LRMDA: variants seen among roughly 807,000 people sequenced by gnomAD.
LRMDA encodes the protein leucine-rich melanocyte differentiation-associated protein.
LRMDA carries 18 observed loss-of-function variants against 29.8 expected under a neutral mutation model. The observed-to-expected ratio is 0.60, with a 90% CI of 0.42 to 0.90. LRMDA has a LOEUF of 0.90. Ranked by LOEUF, LRMDA falls within the 40% of genes least tolerant of loss-of-function variation. The pLI, the probability that LRMDA is intolerant of heterozygous loss-of-function variation, is 0.00. For synonymous variants in LRMDA, 125 were observed against 109.4 expected (o/e 1.14, Z -0.89); for missense variants, 273 against 273.9 (o/e 1.00, Z 0.02).
intron 2 of LRMDA, among the ~76,000 whole-genome samples, chr10:75,592,328 TTGTC>T (rs1211573590): frequency 6.6e-6 from 1 of 152,168 alleles, no homozygotes; most frequent in East Asian, 1.9e-4. Context: ...CGCTTTTTGT[TTGTC>T]TGTTTGTGTT....
At chr10:76,405,314 C>T (rs190827197) in intron 6 of LRMDA, among the ~76,000 whole-genome samples, 5 of 152,300 alleles carry the variant, frequency 3.3e-5, no homozygotes, top group Admixed American at 1.3e-4. Context: ...GCAGTACATG[C>T]ATTCTGGTCT....
chr10:75,938,648 A>G (rs1846337181), intron 2 of LRMDA, among the ~76,000 whole-genome samples: 3 of 152,220 alleles, frequency 2.0e-5, no homozygotes, highest in South Asian at 4.1e-4. Context: ...GCAAGATGAT[A>G]TGAAGTAAAT....
chr10:76,512,080 G>A (rs1008574609), intron 6 of LRMDA, among the ~76,000 whole-genome samples: 5 of 152,142 alleles, frequency 3.3e-5, no homozygotes, highest in African/African-American at 9.7e-5. Flanking sequence ...CGCCCATACT[G>A]TTCTCGTGGT....
chr10:75,642,616 A>ATTT (rs1204634422), intron 2 of LRMDA: 2 of 151,562 alleles, frequency 1.3e-5, no homozygotes, highest in Admixed American at 1.3e-4. Flanking sequence ...GGCAGTGGAA[A>ATTT]CCTCTGCTGA....
intron 2 of LRMDA, among the ~76,000 whole-genome samples, chr10:75,780,230 A>G (rs1843364735): frequency 6.6e-6 from 1 of 152,206 alleles, no homozygotes; most frequent in South Asian, 2.1e-4. Context: ...ATTTATTGTC[A>G]TGGCTATAGT....
chr10:75,630,421 GGCAA>G (rs963655404), intron 2 of LRMDA, among the ~76,000 whole-genome samples: 1 of 152,182 alleles, frequency 6.6e-6, no homozygotes, highest in African/African-American at 2.4e-5. Context: ...TTGAGTTTCT[GGCAA>G]GCAAGCAAGC....
intron 6 of LRMDA, among the ~76,000 whole-genome samples, chr10:76,432,176 T>C (rs1338167049): frequency 6.6e-6 from 1 of 152,104 alleles, no homozygotes; most frequent in East Asian, 1.9e-4. Context: ...TTAGTTCCAG[T>C]GTGTATAAAA....
At chr10:76,258,549 G>T (rs1217405013) in intron 5 of LRMDA, among the ~76,000 whole-genome samples, 1 of 151,948 alleles carries the variant, frequency 6.6e-6, no homozygotes, top group African/African-American at 2.4e-5. Context: ...TTTAACATGA[G>T]AAATTATTCC....
In LRMDA at chr10:75,807,853, A is replaced by G. The variant is rs534982246; in HGVS notation, c.132-228155A>G. ...CATTTTCCCTGCAGCCTTCAAGTTGAAATTACACAGCTACCATTTCTGAGC... is the reference window on the plus strand; with the variant it reads ...CATTTTCCCTGCAGCCTTCAAGTTGGAATTACACAGCTACCATTTCTGAGC... On this transcript the variant is annotated intron_variant, in intron 2 of 6. Coordinates refer to ENST00000611255, the MANE Select transcript of LRMDA (RefSeq NM_001305581.2). Among the ~76,000 whole-genome samples, 3 of 152,336 alleles carry G rather than the reference A, an allele frequency of 2.0e-5. No individual in the cohort carries two copies. In the East Asian group the frequency reaches 5.8e-4, roughly 29 times the overall value.
chr10:75,755,412 A>G (rs1196750216), intron 2 of LRMDA, among the ~76,000 whole-genome samples: 2 of 152,226 alleles, frequency 1.3e-5, no homozygotes, highest in Non-Finnish European at 2.9e-5. Flanking sequence ...GAACTCCATT[A>G]GTTGGGGTTG....
chr10:75,791,252 A>G (rs1408506260), intron 2 of LRMDA, among the ~76,000 whole-genome samples: 1 of 152,222 alleles, frequency 6.6e-6, no homozygotes, highest in Non-Finnish European at 1.5e-5. Flanking sequence ...TGGGAGGGTC[A>G]GGAAATGAAG....
chr10:75,637,324 C>G (rs911860951), intron 2 of LRMDA, among the ~76,000 whole-genome samples: 20 of 152,148 alleles, frequency 1.3e-4, no homozygotes, highest in African/African-American at 4.8e-4. Flanking sequence ...GAAAGTTGTG[C>G]TGTTGCAGGA....
intron 2 of LRMDA, among the ~76,000 whole-genome samples, chr10:75,997,866 C>T (rs1251478732): frequency 1.3e-5 from 2 of 152,246 alleles, no homozygotes; most frequent in Non-Finnish European, 2.9e-5. Context: ...GTCACTGCTT[C>T]TCAGAGCTTT....
At chr10:76,212,233 T>TAA (rs1449644640) in intron 5 of LRMDA, among the ~76,000 whole-genome samples, 11 of 106,612 alleles carry the variant, frequency 1.0e-4, no homozygotes, top group Non-Finnish European at 1.5e-4. Context: ...GTGTGAAAAT[T>TAA]AAAACACACA....
chr10:76,016,708 T>C (rs1847885786), intron 2 of LRMDA, among the ~76,000 whole-genome samples: 1 of 152,198 alleles, frequency 6.6e-6, no homozygotes, highest in South Asian at 2.1e-4. Context: ...AGATAAATAG[T>C]GTGCTGTACT....
chr10:75,962,685 C>T (rs998319044), intron 2 of LRMDA, among the ~76,000 whole-genome samples: 3 of 152,158 alleles, frequency 2.0e-5, no homozygotes, highest in African/African-American at 7.2e-5. Context: ...ATGTGACAAA[C>T]TCCAAAGTTT....
chr10:75,441,212 C>G (rs200784930), intron 2 of LRMDA, among the ~76,000 whole-genome samples: 2 of 152,118 alleles, frequency 1.3e-5, no homozygotes, highest in East Asian at 3.9e-4. Context: ...AAATCCACAT[C>G]CCATGTTCTA....
At chr10:75,500,764 C>G (rs1373567134) in intron 2 of LRMDA, among the ~76,000 whole-genome samples, 1 of 152,100 alleles carries the variant, frequency 6.6e-6, no homozygotes, top group Non-Finnish European at 1.5e-5. Context: ...ATAAAACTGT[C>G]AGATCTTGTG....
intron 5 of LRMDA, among the ~76,000 whole-genome samples, chr10:76,145,936 A>C (rs1318601875): frequency 2.0e-5 from 3 of 150,736 alleles, no homozygotes; most frequent in African/African-American, 4.9e-5. Context: ...TTCTGCCTTC[A>C]TTTTGTTATG....
Sources: allele counts gnomAD v4.1 joint callset (sites outside exome capture counted in the v4.1 genomes callset), GRCh38; gene constraint gnomAD v4.1.1; transcripts MANE v1.5; gene names NCBI Gene and HGNC (gene_info 2026-07-23, HGNC 2026-07-21).